ALK: variants seen among roughly 807,000 people sequenced by gnomAD.
The protein encoded by ALK is ALK receptor tyrosine kinase, also known as ALK tyrosine kinase receptor.
In ALK, 74 loss-of-function variants were observed where a neutral mutation model predicts 163.1. That is an observed-to-expected ratio of 0.45 (90% CI 0.38 to 0.55). The LOEUF (loss-of-function observed/expected upper bound fraction) is 0.55. Among genes scored for constraint, ALK ranks in the 20% least tolerant of loss-of-function variants. The pLI, the probability that ALK is intolerant of heterozygous loss-of-function variation, is 0.00. For synonymous variants in ALK, 960 were observed against 843.2 expected (o/e 1.14, Z -2.40); for missense variants, 2,063 against 2,105.3 (o/e 0.98, Z 0.39).
At chr2:29,341,669 C>T (rs1353896658) in intron 5 of ALK, among the ~76,000 whole-genome samples, 2 of 152,198 alleles carry the variant, frequency 1.3e-5, no homozygotes, top group African/African-American at 4.8e-5. Context: ...AAGTGCAAAA[C>T]AGACTCCAAC....
At chr2:29,361,889 G>A (rs1573281628) in intron 5 of ALK, among the ~76,000 whole-genome samples, 1 of 152,094 alleles carries the variant, frequency 6.6e-6, no homozygotes, top group Admixed American at 6.5e-5. Context: ...CCATTCCTTC[G>A]ACTGTCTTTG....
Position 29,639,320 on chromosome 2 carries a change from T to G in ALK, c.952+55530A>C, listed in dbSNP as rs76341498. 4.4e-3 allele frequency among the ~76,000 whole-genome samples: 663 copies of G among 152,284 alleles called. 35 individuals are homozygous for G. In the East Asian group the frequency reaches 0.12, roughly 27 times the overall value. On this transcript the variant is annotated intron_variant, in intron 3 of 28. Coordinates refer to ENST00000389048, the MANE Select transcript of ALK (RefSeq NM_004304.5). ...GGTTCCTCTTCTAGAAACCCTGCTG[T>G]GTCCTTGCGTGGTGCACAGACACCC... is the stretch of plus-strand genomic sequence containing the variant.
At chr2:29,884,696 T>A (rs1311841235) in intron 1 of ALK, among the ~76,000 whole-genome samples, 1 of 152,188 alleles carries the variant, frequency 6.6e-6, no homozygotes, top group Non-Finnish European at 1.5e-5. Flanking sequence ...GAGAAGGTAA[T>A]GTCAGCAAAG....
chr2:29,647,777 T>TTC (rs1553341554), intron 3 of ALK, among the ~76,000 whole-genome samples: 10,809 of 135,568 alleles, frequency 0.08, 810 homozygotes, highest in African/African-American at 0.21. Flanking sequence ...GATTTTTTCT[T>TTC]TTTTTTTTTT....
chr2:29,525,461 T>C (rs1451026743), intron 4 of ALK, among the ~76,000 whole-genome samples: 2 of 152,136 alleles, frequency 1.3e-5, no homozygotes, highest in East Asian at 1.9e-4. Context: ...CATATGCTCA[T>C]GGCCCACTCC....
intron 1 of ALK, among the ~76,000 whole-genome samples, chr2:29,892,969 C>G (rs903291759): frequency 6.6e-6 from 1 of 152,170 alleles, no homozygotes; most frequent in Non-Finnish European, 1.5e-5. Context: ...CAGAGCCTGG[C>G]CAACCCAGCT....
chr2:29,671,799 C>T (rs1488815098), intron 3 of ALK, among the ~76,000 whole-genome samples: 3 of 151,974 alleles, frequency 2.0e-5, no homozygotes, highest in East Asian at 3.9e-4. Context: ...TGATTTTCTA[C>T]AGGGTGTGGG....
chr2:29,730,098 C>G (rs1679694001), intron 1 of ALK, among the ~76,000 whole-genome samples: 1 of 152,210 alleles, frequency 6.6e-6, no homozygotes, highest in African/African-American at 2.4e-5. Flanking sequence ...ATTATGGCAA[C>G]TCGGGATCCC....
intron 2 of ALK, among the ~76,000 whole-genome samples, chr2:29,700,037 C>T (rs1397063606): frequency 1.3e-5 from 2 of 152,182 alleles, no homozygotes; most frequent in Admixed American, 6.5e-5. Context: ...CATGTACCCT[C>T]CATGGTGCCA....
chr2:29,599,286 C>T (rs1017018304), intron 3 of ALK, among the ~76,000 whole-genome samples: 1 of 152,086 alleles, frequency 6.6e-6, no homozygotes, highest in African/African-American at 2.4e-5. Context: ...GGCACAATCC[C>T]AGATGTGATA....
chr2:29,819,199 C>G (rs536776841), intron 1 of ALK, among the ~76,000 whole-genome samples: 1 of 152,302 alleles, frequency 6.6e-6, no homozygotes, highest in Non-Finnish European at 1.5e-5. Context: ...CCCCAGACTC[C>G]GGGAGATTCA....
At chr2:29,352,068 G>A (rs989600765) in intron 5 of ALK, among the ~76,000 whole-genome samples, 11 of 152,278 alleles carry the variant, frequency 7.2e-5, no homozygotes, top group Admixed American at 5.9e-4. Context: ...GGAGGGAGAT[G>A]CTGTATCCTG....
chr2:29,634,925 T>G (rs1012221487), intron 3 of ALK, among the ~76,000 whole-genome samples: 10 of 152,208 alleles, frequency 6.6e-5, no homozygotes, highest in African/African-American at 2.4e-4. Flanking sequence ...AACTAATAAG[T>G]GAATTCAGCA....
Position 29,920,549 on chromosome 2 carries a change from C to T in ALK, c.111G>A (p.Pro37=), listed in dbSNP as rs1292866467. 2.5e-6 allele frequency: 4 copies of T among 1,604,636 alleles called. No homozygotes were observed. Among genetic ancestry groups the T allele is most frequent in the South Asian group, 1.1e-5 (1 of 90,502 alleles). The change falls in exon 1 of 29, where the codon CCG becomes CCA. Residue 37 remains proline, a synonymous_variant. Coordinates refer to ENST00000389048, the MANE Select transcript of ALK (RefSeq NM_004304.5). ...QRAGSPAAGP[P]LQPREPLSYS... is the part of the protein sequence containing the mutation. ...AGCTGAGTGGCTCCCGGGGCTGCAG[C>T]GGCGGCCCCGCAGCTGGGGAGCCCG...
chr2:29,844,012 G>A lies in ALK; in HGVS notation c.667+75981C>T, dbSNP rs540327178. Among the ~76,000 whole-genome samples the A allele has an allele frequency of 7.2e-5, 11 of 152,168 alleles. No homozygotes were observed. In the South Asian group the frequency reaches 2.1e-3, roughly 29 times the overall value. On this transcript the variant is annotated intron_variant, in intron 1 of 28. Coordinates refer to ENST00000389048, the MANE Select transcript of ALK (RefSeq NM_004304.5). ...TACGCTTTTGAAAGAAACGTCTACA[G>A]TGCTATGAGAATACAGGATGGATAA...
At chr2:29,274,406 A>G (rs746152743) in intron 11 of ALK, among the ~76,000 whole-genome samples, 4 of 152,230 alleles carry the variant, frequency 2.6e-5, no homozygotes, top group Non-Finnish European at 5.9e-5. Context: ...TCACAGGCCC[A>G]GGCACCAGTG....
chr2:29,512,181 T>C (rs1479424784), intron 4 of ALK, among the ~76,000 whole-genome samples: 1 of 152,202 alleles, frequency 6.6e-6, no homozygotes, highest in African/African-American at 2.4e-5. Context: ...AGAAATGTTA[T>C]AATAGCTTTA....
Position 29,920,065 on chromosome 2 carries a change from C to A in ALK, c.595G>T (p.Gly199Cys), listed in dbSNP as rs747517546. The A allele has an allele frequency of 1.8e-5, 29 of 1,614,208 alleles. No homozygotes were observed. The South Asian group carries it at 2.7e-4, about 15-fold the overall frequency. The part of the protein sequence containing the change: ...LMPEKKASEV[G>C]REGRLSAAIR... ...GCCGCGGACAGCCTTCCCTCTCTGC[C>A]CACTTCCGACGCCTTCTTCTCGGGC... Residue 199 changes from glycine to cysteine, a missense_variant, in exon 1 of 29, where the codon GGC becomes TGC. Gly to Cys is a radical substitution (Grantham distance 159). Around this residue, in one of 5 missense-constraint regions of ALK, gnomAD observed 987 missense variants for 939.5 expected, o/e 1.05. Transcript: ENST00000389048.
chr2:29,581,493 A>C (rs993730443), intron 3 of ALK, among the ~76,000 whole-genome samples: 9 of 152,212 alleles, frequency 5.9e-5, no homozygotes, highest in African/African-American at 2.2e-4. Flanking sequence ...CTAGCCCCAG[A>C]GCCAGGGGAA....
Sources: gnomAD v4.1 joint callset for allele counts (sites outside exome capture counted in the v4.1 genomes callset) on GRCh38, gnomAD v4.1.1 for gene constraint, gnomAD v4.1.1 regional missense constraint, MANE v1.5 for transcripts, NCBI Gene and HGNC (gene_info 2026-07-23, HGNC 2026-07-21) for gene names.